The following NEGR1 variants were observed in gnomAD, a reference collection of about 807,000 sequenced individuals.
NEGR1 encodes IgLON family member 4.
NEGR1 carries 10 observed loss-of-function variants against 40.9 expected under a neutral mutation model. That is an observed-to-expected ratio of 0.24 (90% CI 0.15 to 0.42). NEGR1 has a LOEUF of 0.42. Among genes scored for constraint, NEGR1 ranks in the 10% least tolerant of loss-of-function variants. NEGR1 has a pLI of 1.00. For synonymous variants in NEGR1, 185 were observed against 166.8 expected, an observed-to-expected ratio of 1.11 and a Z score of -0.84; for missense variants, 352 against 438.9, an observed-to-expected ratio of 0.80 and a Z score of 1.77.
rs1247991687 is a variant in NEGR1 at position 72,088,784 on chromosome 1, TTCTC to T, written c.177-153477_177-153474del. ...GACTGTAAAACAATGTATAATGTAG[TTCTC>T]TCTCTCTCTTTTTTTTTTTTTTTTT... is the stretch of plus-strand genomic sequence containing the variant. On this transcript the variant is annotated intron_variant, in intron 1 of 6. Transcript: ENST00000357731. Among the ~76,000 whole-genome samples, 100 of 136,416 alleles carry T rather than the reference TTCTC, an allele frequency of 7.3e-4. 2 individuals are homozygous for T. Among genetic ancestry groups the T allele is most frequent in the Middle Eastern group, 7.4e-3 (2 of 270 alleles). 89.5% of individuals were successfully genotyped at this position (136,416 alleles called of 152,430 possible).
chr1:71,942,357 C>T (rs1396156346), intron 1 of NEGR1, among the ~76,000 whole-genome samples: 7 of 144,440 alleles, frequency 4.8e-5, no homozygotes, highest in South Asian at 2.2e-4. Context: ...CTATACTTAA[C>T]GCCTCTCTGA....
At chr1:71,881,957 C>T (rs1304306266) in intron 2 of NEGR1, among the ~76,000 whole-genome samples, 1 of 152,066 alleles carries the variant, frequency 6.6e-6, no homozygotes, top group Non-Finnish European at 1.5e-5. Context: ...TAGAGAAATA[C>T]ATTTCAGCTG....
At chr1:71,676,227 A>G (rs1439167168) in intron 4 of NEGR1, among the ~76,000 whole-genome samples, 1 of 152,190 alleles carries the variant, frequency 6.6e-6, no homozygotes, top group Non-Finnish European at 1.5e-5. Context: ...ATTAGGGACC[A>G]TCATTATTTT....
At chr1:72,143,085 C>A (rs1178447973) in intron 1 of NEGR1, among the ~76,000 whole-genome samples, 1 of 151,862 alleles carries the variant, frequency 6.6e-6, no homozygotes, top group East Asian at 1.9e-4. Context: ...AAAACAAAAT[C>A]TTCTTTCTCT....
chr1:71,530,750 T>A (rs1048058946), intron 6 of NEGR1, among the ~76,000 whole-genome samples: 1 of 151,360 alleles, frequency 6.6e-6, no homozygotes, highest in South Asian at 2.1e-4. Context: ...TTCTGGGACA[T>A]AATGGCTGCT....
At chr1:72,072,061 A>T (rs1647485947) in intron 1 of NEGR1, among the ~76,000 whole-genome samples, 1 of 152,160 alleles carries the variant, frequency 6.6e-6, no homozygotes, top group Non-Finnish European at 1.5e-5. Context: ...TCTCTTACTT[A>T]GTATTGAAAT....
chr1:71,563,159 T>A (rs1356868289), intron 6 of NEGR1, among the ~76,000 whole-genome samples: 1 of 151,990 alleles, frequency 6.6e-6, no homozygotes, highest in East Asian at 1.9e-4. Context: ...TTGTTCTCCA[T>A]GAAACATATT....
At chr1:71,625,452 A>G (rs1650743211) in intron 4 of NEGR1, among the ~76,000 whole-genome samples, 1 of 151,926 alleles carries the variant, frequency 6.6e-6, no homozygotes, top group African/African-American at 2.4e-5. Flanking sequence ...TTTATATAAC[A>G]TTTATATAGT....
chr1:71,769,258 C>G (rs1656234915), intron 3 of NEGR1, among the ~76,000 whole-genome samples: 1 of 151,910 alleles, frequency 6.6e-6, no homozygotes, highest in Non-Finnish European at 1.5e-5. Context: ...AAATCAGAAG[C>G]CTCATGTATA....
chr1:72,216,400 T>TATAC (rs1491047650), intron 1 of NEGR1, among the ~76,000 whole-genome samples: 1 of 121,932 alleles, frequency 8.2e-6, no homozygotes, highest in South Asian at 2.3e-4. Context: ...TATATATATA[T>TATAC]ACATATATAT....
At chr1:72,053,244 G>A in intron 1 of NEGR1, among the ~76,000 whole-genome samples, 2 of 151,036 alleles carry the variant, frequency 1.3e-5, no homozygotes, top group South Asian at 4.2e-4. Flanking sequence ...TGTGTTTGTA[G>A]GGCTCCCAGC....
At chr1:71,939,149 T>C (rs746694355) in intron 1 of NEGR1, among the ~76,000 whole-genome samples, 14 of 152,178 alleles carry the variant, frequency 9.2e-5, no homozygotes, top group Admixed American at 6.5e-5. Flanking sequence ...AGTTAGTTTG[T>C]ATTTGCTATT....
At chr1:71,620,360 C>A (rs1340181140) in intron 4 of NEGR1, among the ~76,000 whole-genome samples, 1 of 151,878 alleles carries the variant, frequency 6.6e-6, no homozygotes, top group Non-Finnish European at 1.5e-5. Context: ...TTAAGGCAGC[C>A]TTAGTCAAAT....
chr1:72,092,901 C>T (rs1648552614), intron 1 of NEGR1, among the ~76,000 whole-genome samples: 1 of 152,142 alleles, frequency 6.6e-6, no homozygotes, highest in African/African-American at 2.4e-5. Flanking sequence ...ATATGCCTGT[C>T]TCGGCCTCCC....
chr1:72,272,334 T>A (rs1655872908), intron 1 of NEGR1, among the ~76,000 whole-genome samples: 1 of 151,810 alleles, frequency 6.6e-6, no homozygotes, highest in South Asian at 2.1e-4. Context: ...ACTAACTAAG[T>A]AGTCTACATG....
At chr1:72,207,013 C>A (rs1294875230) in intron 1 of NEGR1, among the ~76,000 whole-genome samples, 1 of 149,758 alleles carries the variant, frequency 6.7e-6, no homozygotes, top group Non-Finnish European at 1.5e-5. Flanking sequence ...ATAAGTTATT[C>A]CTAACAAGTG....
At chr1:71,987,182 A>C (rs1314823026) in intron 1 of NEGR1, among the ~76,000 whole-genome samples, 2 of 152,180 alleles carry the variant, frequency 1.3e-5, no homozygotes, top group Admixed American at 1.3e-4. Flanking sequence ...TTAACGTCCA[A>C]TTCCCTCCCA....
At chr1:72,175,266 G>A (rs116521825) in intron 1 of NEGR1, among the ~76,000 whole-genome samples, 1,969 of 152,186 alleles carry the variant, frequency 0.013, 44 homozygotes, top group African/African-American at 0.045. Flanking sequence ...ATCAACAACA[G>A]ATGAAGATAG....
intron 3 of NEGR1, among the ~76,000 whole-genome samples, chr1:71,711,864 A>G (rs189008299): frequency 6.6e-6 from 1 of 152,342 alleles, no homozygotes; most frequent in African/African-American, 2.4e-5. Context: ...TTCAAAATCT[A>G]TAAATACATA....
Sources: gnomAD v4.1 joint callset for allele counts (sites outside exome capture counted in the v4.1 genomes callset) on GRCh38, gnomAD v4.1.1 for gene constraint, MANE v1.5 for transcripts, NCBI Gene and HGNC (gene_info 2026-07-23, HGNC 2026-07-21) for gene names.